The following FILIP1 variants were observed in gnomAD, a reference collection of about 807,000 sequenced individuals.
The protein encoded by FILIP1 is filamin A interacting protein 1, also known as filamin-A-interacting protein 1.
In FILIP1, 61 loss-of-function variants were observed where a neutral mutation model predicts 102.1. That is an observed-to-expected ratio of 0.60 (90% CI 0.49 to 0.74). FILIP1 has a LOEUF of 0.74. Ranked by LOEUF, FILIP1 falls within the 30% of genes least tolerant of loss-of-function variation. The probability of loss-of-function intolerance (pLI) is 0.00; values close to 1 mark genes in which losing one functional copy is unlikely to be tolerated. For synonymous variants in FILIP1, 491 were observed against 526.9 expected (o/e 0.93, Z 0.93); for missense variants, 1,314 against 1,441.2 (o/e 0.91, Z 1.43).
chr6:75,429,769 T>C (rs981965002), intron 1 of FILIP1, among the ~76,000 whole-genome samples: 1 of 152,108 alleles, frequency 6.6e-6, no homozygotes, highest in Non-Finnish European at 1.5e-5. Flanking sequence ...CAGGTAGAAA[T>C]GAAGTCAAGG....
At chr6:75,320,337 G>A (rs1041817706) in intron 4 of FILIP1, among the ~76,000 whole-genome samples, 6 of 152,222 alleles carry the variant, frequency 3.9e-5, no homozygotes, top group Middle Eastern at 3.4e-3. Flanking sequence ...CAGGCAAATC[G>A]CTTGAGTCTG....
At chr6:75,459,141 G>A (rs2149747389) in intron 1 of FILIP1, among the ~76,000 whole-genome samples, 1 of 152,266 alleles carries the variant, frequency 6.6e-6, no homozygotes, top group East Asian at 1.9e-4. Flanking sequence ...AATGACCTAA[G>A]AATCTAATGA....
intron 1 of FILIP1, among the ~76,000 whole-genome samples, chr6:75,487,183 A>G (rs1396996914): frequency 6.6e-6 from 1 of 152,202 alleles, no homozygotes; most frequent in Non-Finnish European, 1.5e-5. Flanking sequence ...AATGAAACAC[A>G]AAGAGCTTTG....
chr6:75,402,200 G>A (rs1351998069), intron 2 of FILIP1, among the ~76,000 whole-genome samples: 3 of 152,076 alleles, frequency 2.0e-5, no homozygotes, highest in Admixed American at 2.0e-4. Context: ...GATTCTATTA[G>A]GAGTCCTAAA....
intron 6 of FILIP1, among the ~76,000 whole-genome samples, chr6:75,301,775 C>T (rs184762957): frequency 1.6e-4 from 24 of 152,256 alleles, no homozygotes; most frequent in African/African-American, 5.5e-4. Flanking sequence ...CCAAAGGTTA[C>T]ACAACCTTTT....
chr6:75,457,431 G>A (rs1243799301), intron 1 of FILIP1, among the ~76,000 whole-genome samples: 1 of 152,170 alleles, frequency 6.6e-6, no homozygotes, highest in South Asian at 2.1e-4. Context: ...TATGACTGAT[G>A]TGGGGTAAAA....
intron 1 of FILIP1, among the ~76,000 whole-genome samples, chr6:75,454,444 T>C (rs1778750214): frequency 6.6e-6 from 1 of 152,214 alleles, no homozygotes; most frequent in African/African-American, 2.4e-5. Flanking sequence ...CGATTCAAAA[T>C]AATCTCCTCA....
chr6:75,372,718 GAAAGAGAAAGAGAAA>G (rs1562515355), intron 2 of FILIP1, among the ~76,000 whole-genome samples: 3 of 48,594 alleles, frequency 6.2e-5, no homozygotes, highest in African/African-American at 3.6e-4. Flanking sequence ...AGAAAGGAAA[GAAAGAGAAAGAGAAA>G]GAAAGAAAGA....
At chr6:75,382,979 G>A (rs1775953329) in intron 2 of FILIP1, among the ~76,000 whole-genome samples, 2 of 152,188 alleles carry the variant, frequency 1.3e-5, no homozygotes, top group South Asian at 2.1e-4. Flanking sequence ...CATATATTTT[G>A]AGAGTCTTCA....
chr6:75,304,906 A>C (rs1409497549), downstream of FILIP1, among the ~76,000 whole-genome samples: 1 of 152,212 alleles, frequency 6.6e-6, no homozygotes, highest in Non-Finnish European at 1.5e-5. Flanking sequence ...AAAAATAAAA[A>C]GTGACTAATG....
At chr6:75,303,376 G>C (rs1435299096), downstream of FILIP1, among the ~76,000 whole-genome samples, 1 of 152,210 alleles carries the variant, frequency 6.6e-6, no homozygotes, top group African/African-American at 2.4e-5. Flanking sequence ...TAATAGAGAT[G>C]TGGGAAACAT....
intron 1 of FILIP1, among the ~76,000 whole-genome samples, chr6:75,417,414 T>TAGC (rs1777304444): frequency 6.6e-6 from 1 of 152,182 alleles, no homozygotes; most frequent in Non-Finnish European, 1.5e-5. Context: ...AGCAAGGAAT[T>TAGC]AGCATCTATG....
intron 1 of FILIP1, among the ~76,000 whole-genome samples, chr6:75,426,578 G>A (rs1777634087): frequency 6.6e-6 from 1 of 152,122 alleles, no homozygotes; most frequent in Admixed American, 6.6e-5. Flanking sequence ...TAACAGGAGA[G>A]TCACCAAGGC....
intron 3 of FILIP1, among the ~76,000 whole-genome samples, chr6:75,356,658 G>A (rs1211696933): frequency 1.3e-5 from 2 of 151,942 alleles, no homozygotes; most frequent in East Asian, 3.9e-4. Context: ...TAGTAGAGAC[G>A]GGGTTTCACC....
rs1282209441 is a variant in FILIP1, at chr6:75,486,545, A to T, written c.-7+6869T>A. Among the ~76,000 whole-genome samples the T allele has an allele frequency of 3.9e-5, 6 of 152,262 alleles. No homozygotes were observed. In the East Asian group the frequency reaches 1.2e-3, roughly 29 times the overall value. ...TCTACATGTTTCAGTAAAACATCTC[A>T]TAGTCATCTAGGTGGAGGTGTTCCA... On this transcript the variant is annotated intron_variant, in intron 1 of 5. Transcript: ENST00000237172.
At chr6:75,450,687 G>A (rs955605617) in intron 1 of FILIP1, among the ~76,000 whole-genome samples, 1 of 150,914 alleles carries the variant, frequency 6.6e-6, no homozygotes, top group African/African-American at 2.4e-5. Context: ...TGGGCACGGT[G>A]GCTCATGCCT....
intron 1 of FILIP1, among the ~76,000 whole-genome samples, chr6:75,453,098 T>C (rs1345125252): frequency 6.6e-6 from 1 of 152,204 alleles, no homozygotes; most frequent in East Asian, 1.9e-4. Flanking sequence ...TTAGTACATC[T>C]TGGATTACCC....
At chr6:75,325,732 A>T (rs1225273641) in intron 4 of FILIP1, among the ~76,000 whole-genome samples, 3 of 65,764 alleles carry the variant, frequency 4.6e-5, no homozygotes, top group African/African-American at 2.3e-4. Flanking sequence ...ATTAAAAAAT[A>T]AAAAAAAATA....
chr6:75,365,274 A>G (rs571468518), intron 2 of FILIP1, among the ~76,000 whole-genome samples: 1 of 152,250 alleles, frequency 6.6e-6, no homozygotes, highest in East Asian at 1.9e-4. Context: ...TGAGATACTG[A>G]TTACAAAATT....
Sources: gnomAD v4.1 joint callset for allele counts (sites outside exome capture counted in the v4.1 genomes callset) on GRCh38, gnomAD v4.1.1 for gene constraint, MANE v1.5 for transcripts, NCBI Gene and HGNC (gene_info 2026-07-23, HGNC 2026-07-21) for gene names.